EVA1A: variants seen among roughly 807,000 people sequenced by gnomAD.
EVA1A encodes the protein protein eva-1 homolog A.
EVA1A carries 7 observed loss-of-function variants against 9.8 expected under a neutral mutation model. The ratio of observed to expected loss-of-function variants is 0.71; its 90% CI spans 0.41 to 1.34. EVA1A has a LOEUF of 1.34. Ranked by LOEUF, EVA1A falls within the 40% of genes most tolerant of loss-of-function variation. EVA1A has a pLI of 0.01. For synonymous variants in EVA1A, 90 were observed against 85.6 expected (o/e 1.05, Z -0.28); for missense variants, 206 against 205.9 (o/e 1.00, Z 0.00).
At chr2:75,548,069 T>G (rs11899583) in intron 1 of EVA1A, among the ~76,000 whole-genome samples, 7,672 of 152,348 alleles carry the variant, frequency 0.05, 277 homozygotes, top group Middle Eastern at 0.13. Flanking sequence ...TTCAGTGACT[T>G]GCCTCTCATA....
At chr2:75,516,079 T>G (rs1366898809) in intron 3 of EVA1A, among the ~76,000 whole-genome samples, 1 of 152,240 alleles carries the variant, frequency 6.6e-6, no homozygotes, top group Non-Finnish European at 1.5e-5. Context: ...CCAGGGGCCC[T>G]GCGGGGTTGA....
chr2:75,527,612 T>C (rs1475434677), intron 1 of EVA1A, among the ~76,000 whole-genome samples: 1 of 152,184 alleles, frequency 6.6e-6, no homozygotes. Context: ...CTGGCAAAGA[T>C]TTTTAAACAC....
chr2:75,560,315 GTCAGGC>G (rs1482930594), intron 1 of EVA1A, among the ~76,000 whole-genome samples: 1 of 152,204 alleles, frequency 6.6e-6, no homozygotes, highest in African/African-American at 2.4e-5. Flanking sequence ...ATAGAAGCCA[GTCAGGC>G]TCAGCCCAGC....
intron 1 of EVA1A, chr2:75,524,021 A>G (rs1300867455): frequency 6.6e-6 from 1 of 152,138 alleles, no homozygotes; most frequent in Admixed American, 6.5e-5. Flanking sequence ...GTGAGTTCTC[A>G]TGAGATCTGA....
chr2:75,530,075 C>T (rs762755298), intron 1 of EVA1A, among the ~76,000 whole-genome samples: 3 of 151,850 alleles, frequency 2.0e-5, no homozygotes, highest in African/African-American at 7.3e-5. Flanking sequence ...ATATTACAAC[C>T]GATACAATAG....
At chr2:75,504,484 C>T (rs2103798089) in intron 3 of EVA1A, among the ~76,000 whole-genome samples, 1 of 152,314 alleles carries the variant, frequency 6.6e-6, no homozygotes. Flanking sequence ...GGGAAGACCT[C>T]CACTAACATT....
At chr2:75,557,698 A>T (rs1258384245) in intron 1 of EVA1A, among the ~76,000 whole-genome samples, 3 of 152,214 alleles carry the variant, frequency 2.0e-5, no homozygotes, top group African/African-American at 7.2e-5. Context: ...AAAAAAGTTA[A>T]TCCTCTTCTA....
At chr2:75,514,069 A>G (rs1293223577) in intron 3 of EVA1A, among the ~76,000 whole-genome samples, 1 of 152,264 alleles carries the variant, frequency 6.6e-6, no homozygotes, top group Non-Finnish European at 1.5e-5. Context: ...GCTACAAAAT[A>G]TAGACTGTGA....
chr2:75,528,518 A>T lies in EVA1A; in HGVS notation c.-191-6031T>A, dbSNP rs113244908. 6.5e-3 allele frequency among the ~76,000 whole-genome samples: 994 copies of T among 152,204 alleles called. 5 individuals are homozygous for T. Among genetic ancestry groups the T allele is most frequent in the African/African-American group, 0.022 (933 of 41,506 alleles). On this transcript the variant is annotated intron_variant, in intron 1 of 3. Coordinates refer to ENST00000393913, the MANE Select transcript of EVA1A (RefSeq NM_001135032.2). ...GCCGGCTTTCCCCGACTTCCCTGGCAATCTGTATGAAACATCAGAAGCAGC... is the reference window on the plus strand; with the variant it reads ...GCCGGCTTTCCCCGACTTCCCTGGCTATCTGTATGAAACATCAGAAGCAGC...
At chr2:75,530,889 G>A (rs920692135) in intron 1 of EVA1A, among the ~76,000 whole-genome samples, 1 of 151,622 alleles carries the variant, frequency 6.6e-6, no homozygotes, top group East Asian at 1.9e-4. Flanking sequence ...CATAGTACTG[G>A]AAGTCCTAGC....
rs557934217 is a variant in EVA1A at position 75,514,926 on chromosome 2, C to T, written c.85+3130G>A. ...GTAGCAATTCACAATTCCATCAGCA[C>T]GATGTGTAAGTACTCATCTCCCCAG... On this transcript the variant is annotated intron_variant, in intron 3 of 3. Transcript: ENST00000393913. 7.2e-5 allele frequency among the ~76,000 whole-genome samples: 11 copies of T among 152,184 alleles called. No homozygotes were observed. The East Asian group carries it at 1.5e-3, about 21-fold the overall frequency.
intron 3 of EVA1A, among the ~76,000 whole-genome samples, chr2:75,514,448 T>G (rs1413038161): frequency 6.6e-6 from 1 of 152,172 alleles, no homozygotes; most frequent in Non-Finnish European, 1.5e-5. Context: ...GACAGAGGTG[T>G]GATAATTGTC....
At chr2:75,500,141 A>G (rs532459792) in intron 3 of EVA1A, among the ~76,000 whole-genome samples, 1 of 152,288 alleles carries the variant, frequency 6.6e-6, no homozygotes, top group East Asian at 1.9e-4. Context: ...AAGCAAAATA[A>G]CTGTTCCAAA....
At position 75,493,844 on chromosome 2, in the gene EVA1A, T is replaced by C. The variant is rs565462097; in HGVS notation, c.86-235A>G. 5.3e-5 allele frequency among the ~76,000 whole-genome samples: 8 copies of C among 152,346 alleles called. 1 individual carries two copies. In the East Asian group the frequency reaches 1.5e-3, roughly 29 times the overall value. On this transcript the variant is annotated intron_variant, in intron 3 of 3. Transcript: ENST00000393913. ...TCTTCTTGCAACTTTAACTTAGAGA[T>C]TATTCCCAAATGAAAAGGTAAAAGA...
intron 3 of EVA1A, among the ~76,000 whole-genome samples, chr2:75,500,133 G>A (rs62150188): frequency 0.16 from 24,111 of 151,982 alleles, 2,037 homozygotes; most frequent in African/African-American, 0.2. Context: ...TGGCCACCAA[G>A]CAAAATAACT....
chr2:75,518,826 C>G (rs1675131439), intron 2 of EVA1A: 1 of 985,404 alleles, frequency 1.0e-6, no homozygotes, highest in South Asian at 4.7e-5. Context: ...TGCCTCATCC[C>G]TCAGGTCACT....
intron 3 of EVA1A, among the ~76,000 whole-genome samples, chr2:75,502,439 G>A (rs111298167): frequency 0.043 from 6,472 of 152,254 alleles, 467 homozygotes; most frequent in African/African-American, 0.15. Flanking sequence ...TACTTCCCAG[G>A]CCCTTGACAA....
At chr2:75,542,681 G>C (rs1308898227) in intron 1 of EVA1A, 1 of 152,196 alleles carries the variant, frequency 6.6e-6, no homozygotes, top group Admixed American at 6.5e-5. Context: ...CCACTCTTTC[G>C]CACTGAGTAA....
intron 1 of EVA1A, among the ~76,000 whole-genome samples, chr2:75,560,225 C>T (rs913163702): frequency 1.3e-5 from 2 of 152,170 alleles, no homozygotes; most frequent in Non-Finnish European, 2.9e-5. Context: ...GGCGAGTTGG[C>T]TGCCTCCGAA....
Sources: gnomAD v4.1 joint callset for allele counts (sites outside exome capture counted in the v4.1 genomes callset) on GRCh38, gnomAD v4.1.1 for gene constraint, MANE v1.5 for transcripts, NCBI Gene and HGNC (gene_info 2026-07-23, HGNC 2026-07-21) for gene names.